The following DKK2 variants were observed in gnomAD, a reference collection of about 807,000 sequenced individuals.
The protein encoded by DKK2 is dickkopf-related protein 2.
A neutral mutation model predicts 28.1 loss-of-function variants in DKK2; 11 were observed. The ratio of observed to expected loss-of-function variants is 0.39; its 90% confidence interval spans 0.25 to 0.65. The LOEUF is 0.65. Ranked by LOEUF, DKK2 falls within the 30% of genes least tolerant of loss-of-function variation. The pLI, the probability that DKK2 is intolerant of heterozygous loss-of-function variation, is 0.47. For synonymous variants in DKK2, 135 were observed against 126.5 expected (o/e 1.07, Z -0.45); for missense variants, 326 against 335.5 (o/e 0.97, Z 0.22).
intron 1 of DKK2, among the ~76,000 whole-genome samples, chr4:107,028,060 A>G (rs1723817391): frequency 6.6e-6 from 1 of 152,042 alleles, no homozygotes; most frequent in African/African-American, 2.4e-5. Context: ...CCATGATTGT[A>G]TTGTTAACAT....
intron 1 of DKK2, among the ~76,000 whole-genome samples, chr4:106,990,140 C>T (rs952821661): frequency 6.6e-6 from 1 of 151,998 alleles, no homozygotes; most frequent in Non-Finnish European, 1.5e-5. Context: ...ACATATTTTG[C>T]ACTATATATT....
chr4:107,032,164 C>T (rs999552415), intron 1 of DKK2, among the ~76,000 whole-genome samples: 8 of 152,026 alleles, frequency 5.3e-5, no homozygotes, highest in East Asian at 1.9e-4. Flanking sequence ...AACATTGATG[C>T]GAATAATTCA....
At chr4:107,008,578 T>C (rs1020984489) in intron 1 of DKK2, among the ~76,000 whole-genome samples, 31 of 152,068 alleles carry the variant, frequency 2.0e-4, no homozygotes, top group African/African-American at 7.2e-4. Flanking sequence ...AATCATAGAC[T>C]TGTAACTTAT....
At chr4:107,014,231 C>T (rs1723558294) in intron 1 of DKK2, among the ~76,000 whole-genome samples, 3 of 151,494 alleles carry the variant, frequency 2.0e-5, no homozygotes, top group African/African-American at 7.3e-5. Flanking sequence ...GAGATGGAAT[C>T]AACCTAAAAG....
At chr4:107,024,501 G>A (rs17037246) in intron 1 of DKK2, among the ~76,000 whole-genome samples, 32,120 of 151,954 alleles carry the variant, frequency 0.21, 3,952 homozygotes, top group East Asian at 0.53. Flanking sequence ...TCTCTCCACC[G>A]ATATTTTTAA....
At chr4:106,983,747 C>G (rs1723071285) in intron 1 of DKK2, among the ~76,000 whole-genome samples, 1 of 152,124 alleles carries the variant, frequency 6.6e-6, no homozygotes, top group African/African-American at 2.4e-5. Flanking sequence ...ATAAAGAACT[C>G]TCAAAATTCA....
chr4:107,023,152 A>G (rs1723720738), intron 1 of DKK2, among the ~76,000 whole-genome samples: 1 of 152,138 alleles, frequency 6.6e-6, no homozygotes, highest in African/African-American at 2.4e-5. Flanking sequence ...TCCATAGAGT[A>G]TAATCTTCAA....
chr4:106,951,593 A>G lies in DKK2; in HGVS notation c.223-25644T>C, dbSNP rs370188008. 2.6e-5 allele frequency among the ~76,000 whole-genome samples: 4 copies of G among 152,312 alleles called. No individual in the cohort carries two copies. The South Asian group carries it at 8.3e-4, about 32-fold the overall frequency. On this transcript the variant is annotated intron_variant, in intron 1 of 3. Transcript: ENST00000285311. ...CAAGACACAGAAAGACAAAATTTGC[A>G]TATTCCCACTCATACATGAGAGCTA...
intron 1 of DKK2, among the ~76,000 whole-genome samples, chr4:106,952,268 G>A (rs759461539): frequency 4.6e-5 from 7 of 152,062 alleles, no homozygotes; most frequent in East Asian, 1.9e-4. Flanking sequence ...AGAGTATGTC[G>A]TAGGCTGTTT....
intron 1 of DKK2, among the ~76,000 whole-genome samples, chr4:106,985,847 G>T (rs1723112391): frequency 1.4e-5 from 2 of 146,092 alleles, no homozygotes; most frequent in South Asian, 2.2e-4. Flanking sequence ...GAAAAGAAAA[G>T]AAAAAGAAAA....
At chr4:107,017,412 G>T (rs1321437365) in intron 1 of DKK2, among the ~76,000 whole-genome samples, 1 of 151,882 alleles carries the variant, frequency 6.6e-6, no homozygotes, top group Admixed American at 6.6e-5. Flanking sequence ...AAGATGAGTG[G>T]GTTTTACTAA....
chr4:106,933,711 T>G (rs1040605753), intron 1 of DKK2, among the ~76,000 whole-genome samples: 3 of 152,196 alleles, frequency 2.0e-5, no homozygotes, highest in Admixed American at 2.0e-4. Context: ...TGCTCTTCTT[T>G]GTATAGCATC....
chr4:106,961,181 G>A (rs975787030), intron 1 of DKK2, among the ~76,000 whole-genome samples: 6 of 152,032 alleles, frequency 3.9e-5, no homozygotes, highest in African/African-American at 1.4e-4. Context: ...GACAATATTT[G>A]TGAAGACTCT....
At chr4:107,009,174 G>A (rs185028440) in intron 1 of DKK2, among the ~76,000 whole-genome samples, 1 of 151,806 alleles carries the variant, frequency 6.6e-6, no homozygotes, top group African/African-American at 2.4e-5. Flanking sequence ...TCAGTTCAAA[G>A]GTAGGTGTCT....
chr4:106,998,926 T>G (rs1167113242), intron 1 of DKK2, among the ~76,000 whole-genome samples: 1 of 152,122 alleles, frequency 6.6e-6, no homozygotes. Context: ...ATGCGATAAT[T>G]TGTCAGAGGA....
intron 1 of DKK2, among the ~76,000 whole-genome samples, chr4:107,007,413 C>T (rs545048118): frequency 1.3e-5 from 2 of 152,136 alleles, no homozygotes; most frequent in South Asian, 4.2e-4. Flanking sequence ...TATTTTAGCA[C>T]TCTTGAAAAT....
rs556198362 is a variant in DKK2, at chr4:106,937,558, C to T, written c.223-11609G>A. Among the ~76,000 whole-genome samples, 1,030 of 151,148 alleles carry T rather than the reference C, an allele frequency of 6.8e-3. 4 individuals are homozygous for T. The highest frequency in any genetic ancestry group is 0.01 in the Non-Finnish European group (703 of 67,722). On this transcript the variant is annotated intron_variant, in intron 1 of 3. Transcript: ENST00000285311. ...CCACTGTCAACATTAGACAGATCAA[C>T]GAGACAGAAAGTCAACAAGGATACC...
At chr4:106,994,661 A>G (rs548089121) in intron 1 of DKK2, among the ~76,000 whole-genome samples, 1 of 152,356 alleles carries the variant, frequency 6.6e-6, no homozygotes, top group East Asian at 1.9e-4. Flanking sequence ...TTACAATTCA[A>G]TAACATAACT....
intron 1 of DKK2, among the ~76,000 whole-genome samples, chr4:106,969,551 A>T (rs1025525926): frequency 3.3e-5 from 5 of 152,086 alleles, no homozygotes; most frequent in African/African-American, 1.2e-4. Context: ...TGTTTAAAAA[A>T]AGACAGGAGT....
Sources: allele counts gnomAD v4.1 joint callset (sites outside exome capture counted in the v4.1 genomes callset), GRCh38; gene constraint gnomAD v4.1.1; transcripts MANE v1.5; gene names NCBI Gene and HGNC (gene_info 2026-07-23, HGNC 2026-07-21).